KAZN: variants seen among roughly 807,000 people sequenced by gnomAD.
KAZN encodes the protein kazrin, periplakin interacting protein, also known as kazrin.
In KAZN, 40 loss-of-function variants were observed where a neutral mutation model predicts 87.4. The observed-to-expected ratio is 0.46, with a 90% CI of 0.36 to 0.60. KAZN has a LOEUF of 0.60. Among genes scored for constraint, KAZN ranks in the 20% least tolerant of loss-of-function variants. The pLI, the probability that KAZN is intolerant of heterozygous loss-of-function variation, is 0.00. For missense variants in KAZN, 898 were observed against 1,073.9 expected (o/e 0.84, Z 2.29); for synonymous variants, 466 against 458.3 (o/e 1.02, Z -0.22).
At chr1:14,981,843 T>G (rs2101898138) in intron 2 of KAZN, among the ~76,000 whole-genome samples, 1 of 152,314 alleles carries the variant, frequency 6.6e-6, no homozygotes, top group Middle Eastern at 3.4e-3. Context: ...AGAAAGGGGA[T>G]GCAGTGCCTT....
At chr1:14,904,298 C>G (rs572844626) in intron 1 of KAZN, among the ~76,000 whole-genome samples, 2 of 124,152 alleles carry the variant, frequency 1.6e-5, no homozygotes, top group East Asian at 4.6e-4. Context: ...GAGCGAGACT[C>G]CGTCTCAAAA....
chr1:14,092,368 G>A (rs895750891), intron 1 of KAZN, among the ~76,000 whole-genome samples: 3 of 150,432 alleles, frequency 2.0e-5, no homozygotes, highest in East Asian at 3.9e-4. Context: ...TGGGATTATA[G>A]GCGTGAGCCA....
exon 1 of KAZN, chr1:13,892,960 A>C (rs1174538773): frequency 6.6e-6 from 1 of 151,868 alleles, no homozygotes; most frequent in Non-Finnish European, 1.5e-5. Context: ...AGGCGTCCCG[A>C]GTGGAGGATG....
intron 2 of KAZN, among the ~76,000 whole-genome samples, chr1:14,302,677 G>C (rs1034830146): frequency 6.6e-6 from 1 of 152,090 alleles, no homozygotes; most frequent in Non-Finnish European, 1.5e-5. Context: ...AGGGATCAGA[G>C]GTTTTATCAT....
At chr1:15,087,539 T>C (rs1227822613) in intron 8 of KAZN, among the ~76,000 whole-genome samples, 1 of 152,088 alleles carries the variant, frequency 6.6e-6, no homozygotes, top group Non-Finnish European at 1.5e-5. Flanking sequence ...ACTACAGGCA[T>C]GCACCACCAT....
At position 14,856,620 on chromosome 1, in the gene KAZN, G is replaced by A. The variant is rs1311108220; in HGVS notation, c.227-104064G>A. On this transcript the variant is annotated intron_variant, in intron 1 of 14. Transcript: ENST00000376030. This position sits in a 1 kb window ranked among gnomAD's most constrained non-coding sequence, Gnocchi z 5.2. ...AGCTCAACAATTCACTAAGTGTGAT[G>A]CAGCCACACATTCTTTGGGTTTTTA... Among the ~76,000 whole-genome samples the A allele has an allele frequency of 6.6e-6, 1 of 152,130 alleles. No homozygotes were observed. The highest frequency in any genetic ancestry group is 1.5e-5 in the Non-Finnish European group (1 of 68,036).
At chr1:14,120,727 C>T (rs1644734916) in intron 1 of KAZN, among the ~76,000 whole-genome samples, 1 of 152,192 alleles carries the variant, frequency 6.6e-6, no homozygotes, top group Admixed American at 6.5e-5. Flanking sequence ...TGTGCTATCT[C>T]TGGCTTCTGG....
chr1:14,710,617 C>G (rs779254269), intron 1 of KAZN, among the ~76,000 whole-genome samples: 1 of 152,206 alleles, frequency 6.6e-6, no homozygotes, highest in Non-Finnish European at 1.5e-5. Context: ...CTCTCCCCAC[C>G]CCCCGGTACC....
At chr1:14,302,149 C>T (rs942919522) in intron 2 of KAZN, among the ~76,000 whole-genome samples, 1 of 152,186 alleles carries the variant, frequency 6.6e-6, no homozygotes, top group African/African-American at 2.4e-5. Flanking sequence ...ATATCTTTCT[C>T]TATTTCCGAA....
At chr1:14,657,828 C>T (rs1022267153) in intron 1 of KAZN, among the ~76,000 whole-genome samples, 2 of 150,622 alleles carry the variant, frequency 1.3e-5, no homozygotes, top group African/African-American at 5.0e-5. Flanking sequence ...CTCCCTGTCT[C>T]CTGCTCCTAG....
chr1:14,333,552 T>G (rs1051041853), intron 2 of KAZN, among the ~76,000 whole-genome samples: 2 of 152,222 alleles, frequency 1.3e-5, no homozygotes, highest in African/African-American at 4.8e-5. Context: ...GCTTGGAATG[T>G]GGCAGGGAAT....
chr1:14,917,373 G>A (rs1657925122), intron 1 of KAZN, among the ~76,000 whole-genome samples: 1 of 152,164 alleles, frequency 6.6e-6, no homozygotes, highest in South Asian at 2.1e-4. Context: ...GGCGGCCCAG[G>A]GGCTGCCAAA....
chr1:14,151,787 C>T (rs1452112959), intron 1 of KAZN, among the ~76,000 whole-genome samples: 1 of 152,222 alleles, frequency 6.6e-6, no homozygotes, highest in Non-Finnish European at 1.5e-5. Context: ...CACCTGTAAC[C>T]ATTCCTATCA....
chr1:14,512,418 G>A (rs1670956561), intron 2 of KAZN, among the ~76,000 whole-genome samples: 1 of 152,050 alleles, frequency 6.6e-6, no homozygotes, highest in South Asian at 2.1e-4. Flanking sequence ...CGCCCACTGT[G>A]ACAAACAAAA....
intron 2 of KAZN, among the ~76,000 whole-genome samples, chr1:14,314,497 A>C (rs1235720230): frequency 6.6e-6 from 1 of 152,102 alleles, no homozygotes; most frequent in Non-Finnish European, 1.5e-5. Context: ...AAGTTTGGAC[A>C]AGACACTTTC....
At chr1:14,225,715 A>G (rs1647247266) in intron 2 of KAZN, among the ~76,000 whole-genome samples, 1 of 152,148 alleles carries the variant, frequency 6.6e-6, no homozygotes, top group African/African-American at 2.4e-5. Flanking sequence ...CATTCCTACA[A>G]GTATCTAATC....
chr1:14,092,557 A>T (rs1350793388), intron 1 of KAZN, among the ~76,000 whole-genome samples: 2 of 128,534 alleles, frequency 1.6e-5, no homozygotes, highest in East Asian at 4.8e-4. Context: ...ATGTACATAT[A>T]CACACATATA....
intron 2 of KAZN, among the ~76,000 whole-genome samples, chr1:14,540,205 GT>G (rs1672727071): frequency 6.6e-6 from 1 of 152,168 alleles, no homozygotes; most frequent in African/African-American, 2.4e-5. Flanking sequence ...GGAGGAGTTG[GT>G]TTTGCTTTGA....
chr1:14,091,109 CAAAAAAAAAAAA>C (rs779056126), intron 1 of KAZN, among the ~76,000 whole-genome samples: 1 of 51,906 alleles, frequency 1.9e-5, no homozygotes, highest in Non-Finnish European at 4.1e-5. Flanking sequence ...GAGACTCTGT[CAAAAAAAAAAAA>C]AAAAAAAAAA....
Sources: gnomAD v4.1 joint callset for allele counts (sites outside exome capture counted in the v4.1 genomes callset) on GRCh38, gnomAD v4.1.1 for gene constraint, Gnocchi (gnomAD v3.1) non-coding constraint, MANE v1.5 for transcripts, NCBI Gene and HGNC (gene_info 2026-07-23, HGNC 2026-07-21) for gene names.